The following MBD5 variants were observed in gnomAD, a reference collection of about 807,000 sequenced individuals.
The protein encoded by MBD5 is methyl-CpG-binding domain protein 5.
In MBD5, 13 loss-of-function variants were observed where a neutral mutation model predicts 117.3. That is an observed-to-expected ratio of 0.11 (90% CI 0.07 to 0.18). The LOEUF (loss-of-function observed/expected upper bound fraction) is 0.18. Among genes scored for constraint, MBD5 ranks in the 10% least tolerant of loss-of-function variants. MBD5 has a pLI of 1.00. For missense variants in MBD5, 1,879 were observed against 2,093.8 expected (o/e 0.90, Z 2.00); for synonymous variants, 727 against 766.4 (o/e 0.95, Z 0.85).
intron 1 of MBD5, among the ~76,000 whole-genome samples, chr2:148,057,104 G>A (rs753514504): frequency 3.4e-4 from 52 of 151,380 alleles, no homozygotes; most frequent in Non-Finnish European, 5.2e-4. Context: ...TCTTGTTCTC[G>A]AATAACCCTG....
At chr2:148,403,725 T>G (rs1470420458) in intron 4 of MBD5, among the ~76,000 whole-genome samples, 1 of 152,138 alleles carries the variant, frequency 6.6e-6, no homozygotes, top group Admixed American at 6.6e-5. Context: ...TGTTCAGATT[T>G]TCCCAAATCT....
At chr2:148,166,690 C>T (rs10172623) in intron 1 of MBD5, among the ~76,000 whole-genome samples, 1,874 of 152,214 alleles carry the variant, frequency 0.012, 40 homozygotes, top group African/African-American at 0.043. Context: ...CCTCCTTGCA[C>T]AGAGTTCTAA....
rs1449209907 is a variant in MBD5 at position 148,034,527 on chromosome 2, T to C, written c.-925+12843T>C. Reference sequence around the variant, plus strand: ...TTTTTCAAGGGGTCTTAATATGTAATTCTTCTGAACTTCTAATAATGGTCA... The same window carrying C: ...TTTTTCAAGGGGTCTTAATATGTAACTCTTCTGAACTTCTAATAATGGTCA... On this transcript the variant is annotated intron_variant, in intron 1 of 13. Transcript: ENST00000642680. Among the ~76,000 whole-genome samples the C allele has an allele frequency of 2.0e-5, 3 of 152,356 alleles. No individual in the cohort carries two copies. The East Asian group carries it at 5.8e-4, about 29-fold the overall frequency.
intron 10 of MBD5, 94 bp downstream of exon 10, chr2:148,486,044 G>A (rs906333986): frequency 1.5e-5 from 17 of 1,166,058 alleles, no homozygotes; most frequent in African/African-American, 9.1e-5. Context: ...AGTAGGTTAC[G>A]TGCCCTTTCA....
At chr2:148,129,060 C>T (rs937910357) in intron 1 of MBD5, among the ~76,000 whole-genome samples, 5 of 152,078 alleles carry the variant, frequency 3.3e-5, no homozygotes, top group Non-Finnish European at 7.4e-5. Flanking sequence ...TTATAAGGAC[C>T]TTTAAAATAC....
intron 4 of MBD5, among the ~76,000 whole-genome samples, chr2:148,436,358 G>GTTGTT (rs1000867948): frequency 2.6e-5 from 4 of 151,938 alleles, no homozygotes; most frequent in Non-Finnish European, 4.4e-5. Flanking sequence ...TTTTGTTGCT[G>GTTGTT]TTGTTTTGTT....
At chr2:148,294,196 G>GTTTTTTTTTTTTTTTTTTTTT (rs60942822) in intron 3 of MBD5, among the ~76,000 whole-genome samples, 3 of 127,148 alleles carry the variant, frequency 2.4e-5, no homozygotes, top group African/African-American at 8.9e-5. Context: ...CCAGAATGAA[G>GTTTTTTTTTTTTTTTTTTTTT]TTTTTTTTTT....
At chr2:148,123,282 T>C (rs1375536778) in intron 1 of MBD5, among the ~76,000 whole-genome samples, 1 of 152,216 alleles carries the variant, frequency 6.6e-6, no homozygotes, top group East Asian at 1.9e-4. Context: ...GATATATGTC[T>C]TAAGAAAATG....
At position 148,516,938 on chromosome 2, in the gene MBD5, G is replaced by T. The variant is rs1474117604; in HGVS notation, c.*3997G>T. 1 of 152,118 alleles carries T rather than the reference G, an allele frequency of 6.6e-6. No homozygotes were observed. Among genetic ancestry groups the T allele is most frequent in the Non-Finnish European group, 1.5e-5 (1 of 68,026 alleles). 9.4% of individuals were successfully genotyped at this position (152,118 alleles called of 1,614,324 possible). ...GTGTTTTGTAACATCATGCCTTTAT[G>T]GATTAAGTATAAATACACTGGATTG... On this transcript the variant is annotated 3_prime_UTR_variant, in exon 14 of 14. Coordinates refer to ENST00000642680, the MANE Select transcript of MBD5 (RefSeq NM_001378120.1).
chr2:148,064,526 C>A (rs900426273), intron 1 of MBD5, among the ~76,000 whole-genome samples: 1 of 152,114 alleles, frequency 6.6e-6, no homozygotes, highest in Non-Finnish European at 1.5e-5. Flanking sequence ...AAGCTATATT[C>A]TTCTTCATAA....
intron 3 of MBD5, among the ~76,000 whole-genome samples, chr2:148,327,537 G>A (rs1038351201): frequency 1.1e-3 from 161 of 151,828 alleles, no homozygotes; most frequent in East Asian, 1.7e-3. Context: ...GGCTTTGCTC[G>A]TTTCTTTTTA....
rs1176837347 is a variant in MBD5, at chr2:148,499,855, AT to A, written c.4963-2578del. On this transcript the variant is annotated intron_variant, in intron 11 of 13. Coordinates refer to ENST00000642680, the MANE Select transcript of MBD5 (RefSeq NM_001378120.1). Reference sequence around the variant, plus strand: ...TTGAATATTTTTCAAATGTATGAATATTTCCCCAGAAAAAACACACACTCTT... The same window carrying A: ...TTGAATATTTTTCAAATGTATGAATATTCCCCAGAAAAAACACACACTCTT... Among the ~76,000 whole-genome samples the A allele has an allele frequency of 2.6e-5, 4 of 152,264 alleles. No homozygotes were observed. The South Asian group carries it at 8.3e-4, about 32-fold the overall frequency.
chr2:148,275,230 A>G (rs1260770742), intron 3 of MBD5, among the ~76,000 whole-genome samples: 2 of 152,060 alleles, frequency 1.3e-5, no homozygotes, highest in East Asian at 3.9e-4. Context: ...GAGTATGAAA[A>G]TTTATATTTT....
rs1278585545 is a variant in MBD5 at position 148,490,302 on chromosome 2, G to A, written c.4670G>A (p.Ser1557Asn). Residue 1557 changes from serine (S) to asparagine (N), a missense_variant, in exon 11 of 14, where the codon AGT becomes AAT. Around this residue, in one of 4 missense-constraint regions of MBD5, gnomAD observed 1,666 missense variants for 1,792.2 expected, o/e 0.93. Transcript: ENST00000642680. ...GAGCAGTCTCCAAGTTCCTCAAATA[G>A]TTTGGAAAATTCTCTGGTCAAAGAC... ...LEEQSPSSSNSLENSLVKDYI... is the reference protein window; with the variant it reads ...LEEQSPSSSNNLENSLVKDYI... 1.9e-6 allele frequency: 3 copies of A among 1,614,038 alleles called. No homozygotes were observed. The highest frequency in any genetic ancestry group is 2.5e-6 in the Non-Finnish European group (3 of 1,180,032).
intron 1 of MBD5, among the ~76,000 whole-genome samples, chr2:148,059,367 C>G (rs897407193): frequency 6.6e-6 from 1 of 151,950 alleles, no homozygotes; most frequent in South Asian, 2.1e-4. Context: ...ACTGGTAACC[C>G]GTAAAGAATT....
At chr2:148,447,264 GGAAGGAAA>G (rs1171416076) in intron 4 of MBD5, among the ~76,000 whole-genome samples, 22 of 148,488 alleles carry the variant, frequency 1.5e-4, no homozygotes, top group African/African-American at 3.3e-4. Flanking sequence ...AAGGAAGGAA[GGAAGGAAA>G]GAAAGTAGAG....
intron 1 of MBD5, among the ~76,000 whole-genome samples, chr2:148,033,795 A>T (rs2105609747): frequency 6.6e-6 from 1 of 152,356 alleles, no homozygotes; most frequent in East Asian, 1.9e-4. Flanking sequence ...TCGCATTCTC[A>T]GGTACAGCAG....
chr2:148,509,275 C>T (rs1372870950), intron 12 of MBD5, among the ~76,000 whole-genome samples: 2 of 152,328 alleles, frequency 1.3e-5, no homozygotes, highest in East Asian at 3.9e-4. Flanking sequence ...GCAAAGTGTA[C>T]ATAACCACAG....
intron 2 of MBD5, among the ~76,000 whole-genome samples, chr2:148,205,125 A>G (rs1036165815): frequency 5.9e-5 from 9 of 151,920 alleles, no homozygotes; most frequent in African/African-American, 7.3e-5. Flanking sequence ...TGCCCTGGCT[A>G]GAGTGCAGTG....
Sources: allele counts gnomAD v4.1 joint callset (sites outside exome capture counted in the v4.1 genomes callset), GRCh38; gene constraint gnomAD v4.1.1; regional missense constraint gnomAD v4.1.1; transcripts MANE v1.5; gene names NCBI Gene and HGNC (gene_info 2026-07-23, HGNC 2026-07-21).